The following NBAS variants were observed in gnomAD, a reference collection of about 807,000 sequenced individuals.
NBAS encodes the protein NAG/BC035112 fusion.
Under a neutral mutation model 302.5 loss-of-function variants are expected in NBAS, and 219 were observed. The ratio of observed to expected loss-of-function variants is 0.72; its 90% CI spans 0.65 to 0.81. The LOEUF (loss-of-function observed/expected upper bound fraction) is 0.81, where lower values mean the gene tolerates loss of function less well. Among genes scored for constraint, NBAS ranks in the 30% least tolerant of loss-of-function variants. NBAS has a pLI of 0.00. For synonymous variants in NBAS, 1,118 were observed against 1,021.6 expected (o/e 1.09, Z -1.80); for missense variants, 2,932 against 2,841.6 (o/e 1.03, Z -0.72).
At chr2:15,470,674 A>G (rs1679919392) in intron 16 of NBAS, among the ~76,000 whole-genome samples, 1 of 152,204 alleles carries the variant, frequency 6.6e-6, no homozygotes, top group African/African-American at 2.4e-5. Flanking sequence ...CATCTTCACT[A>G]TATAAAATCT....
chr2:14,788,674 C>T, the NBAS span, among the ~76,000 whole-genome samples: 1 of 152,182 alleles, frequency 6.6e-6, no homozygotes, highest in South Asian at 2.1e-4. Flanking sequence ...TCTGATCGTT[C>T]CTCTGGAAGT....
chr2:14,958,516 G>T, the NBAS span, among the ~76,000 whole-genome samples: 1 of 152,116 alleles, frequency 6.6e-6, no homozygotes, highest in Non-Finnish European at 1.5e-5. Flanking sequence ...GAGCAAATGC[G>T]CTACTCAGTT....
chr2:15,032,562 G>A, the NBAS span, among the ~76,000 whole-genome samples: 1 of 152,176 alleles, frequency 6.6e-6, no homozygotes, highest in Non-Finnish European at 1.5e-5. Context: ...TACAAGGAGA[G>A]GGTAATAACC....
the NBAS span, among the ~76,000 whole-genome samples, chr2:15,075,652 T>A: frequency 3.9e-4 from 60 of 152,320 alleles, no homozygotes; most frequent in African/African-American, 1.4e-3. Flanking sequence ...TGTAACCAAC[T>A]AAACTGCCTT....
chr2:15,278,000 G>A (rs780402001), intron 42 of NBAS, among the ~76,000 whole-genome samples: 1 of 152,054 alleles, frequency 6.6e-6, no homozygotes, highest in African/African-American at 2.4e-5. Flanking sequence ...TAGGGTTCTC[G>A]GAAGCAGCAA....
the NBAS span, among the ~76,000 whole-genome samples, chr2:14,808,232 A>G: frequency 2.0e-5 from 3 of 152,356 alleles, no homozygotes; most frequent in East Asian, 5.8e-4. Flanking sequence ...CTCAGCCAAG[A>G]ACAGAGAGCT....
At chr2:15,013,173 AT>A in the NBAS span, among the ~76,000 whole-genome samples, 5 of 152,196 alleles carry the variant, frequency 3.3e-5, no homozygotes, top group Non-Finnish European at 7.3e-5. Flanking sequence ...GAGGAAATTT[AT>A]CACAACTAGT....
intron 49 of NBAS, among the ~76,000 whole-genome samples, chr2:15,189,955 CGT>C (rs1558422565): frequency 6.6e-6 from 1 of 152,010 alleles, no homozygotes; most frequent in African/African-American, 2.4e-5. Context: ...CACTGTAAGC[CGT>C]GTCAAGACAG....
the NBAS span, among the ~76,000 whole-genome samples, chr2:15,158,736 C>T: frequency 6.6e-6 from 1 of 152,146 alleles, no homozygotes; most frequent in African/African-American, 2.4e-5. Flanking sequence ...GTGGCTGAGT[C>T]ATGAGGATGT....
chr2:15,161,905 C>T, the NBAS span, among the ~76,000 whole-genome samples: 1 of 152,128 alleles, frequency 6.6e-6, no homozygotes, highest in African/African-American at 2.4e-5. Flanking sequence ...AGGGATGTCA[C>T]CTTAGGATTT....
chr2:15,084,040 C>T, the NBAS span, among the ~76,000 whole-genome samples: 1 of 146,192 alleles, frequency 6.8e-6, no homozygotes, highest in East Asian at 2.0e-4. Context: ...TGAACAATTG[C>T]TTTTTTTTTT....
chr2:14,911,550 G>T, the NBAS span, among the ~76,000 whole-genome samples: 3 of 152,314 alleles, frequency 2.0e-5, no homozygotes, highest in South Asian at 6.2e-4. Context: ...TAGGGTCACA[G>T]CCCAGATCTG....
the NBAS span, among the ~76,000 whole-genome samples, chr2:14,831,567 A>G: frequency 6.6e-6 from 1 of 152,130 alleles, no homozygotes; most frequent in Non-Finnish European, 1.5e-5. Context: ...CTTACTTTGT[A>G]TTGTTTTATA....
chr2:14,819,544 A>C, the NBAS span, among the ~76,000 whole-genome samples: 1 of 152,262 alleles, frequency 6.6e-6, no homozygotes, highest in Non-Finnish European at 1.5e-5. Context: ...CATAAAACCC[A>C]GAAGTAAATG....
At chr2:14,798,641 T>A in the NBAS span, among the ~76,000 whole-genome samples, 1 of 152,138 alleles carries the variant, frequency 6.6e-6, no homozygotes, top group Non-Finnish European at 1.5e-5. Context: ...AACAGTTGCG[T>A]AGAATTGATA....
At chr2:15,243,621 C>T (rs1667959280) in intron 44 of NBAS, among the ~76,000 whole-genome samples, 1 of 151,294 alleles carries the variant, frequency 6.6e-6, no homozygotes, top group African/African-American at 2.4e-5. Flanking sequence ...CTATGATATG[C>T]TATAAAAAAT....
chr2:15,426,677 A>G (rs1189362001), intron 22 of NBAS, among the ~76,000 whole-genome samples: 1 of 152,184 alleles, frequency 6.6e-6, no homozygotes, highest in Non-Finnish European at 1.5e-5. Flanking sequence ...TCTCCAGGTA[A>G]TATTAATGAT....
the NBAS span, among the ~76,000 whole-genome samples, chr2:14,964,443 T>C: frequency 6.6e-6 from 1 of 152,058 alleles, no homozygotes; most frequent in African/African-American, 2.4e-5. Flanking sequence ...GTCACAACTA[T>C]TCAAAACAAA....
the NBAS span, among the ~76,000 whole-genome samples, chr2:14,828,882 G>A: frequency 6.6e-6 from 1 of 152,194 alleles, no homozygotes; most frequent in Non-Finnish European, 1.5e-5. Flanking sequence ...AAATAGCATG[G>A]ATGTCAAAAT....
Sources: allele counts gnomAD v4.1 joint callset (sites outside exome capture counted in the v4.1 genomes callset), GRCh38; gene constraint gnomAD v4.1.1; transcripts MANE v1.5; gene names NCBI Gene and HGNC (gene_info 2026-07-23, HGNC 2026-07-21).